The following MYO16 variants were observed in gnomAD, a reference collection of about 807,000 sequenced individuals.
The protein encoded by MYO16 is unconventional myosin-XVI.
MYO16 carries 94 observed loss-of-function variants against 205.3 expected under a neutral mutation model. The ratio of observed to expected loss-of-function variants is 0.46; its 90% CI spans 0.39 to 0.54. The LOEUF (loss-of-function observed/expected upper bound fraction) is 0.54. Ranked by LOEUF, MYO16 falls within the 20% of genes least tolerant of loss-of-function variation. The pLI, the probability that MYO16 is intolerant of heterozygous loss-of-function variation, is 0.00. For missense variants in MYO16, 2,315 were observed against 2,387.5 expected, an observed-to-expected ratio of 0.97 and a Z score of 0.63; for synonymous variants, 988 against 954.0, an observed-to-expected ratio of 1.04 and a Z score of -0.66.
chr13:109,145,475 C>CAAATGAGTTTAATGCCAAATCAGTAT (rs2139818435), intron 32 of MYO16, among the ~76,000 whole-genome samples: 1 of 152,180 alleles, frequency 6.6e-6, no homozygotes, highest in South Asian at 2.1e-4. Flanking sequence ...TCAAGAATGC[C>CAAATGAGTTTAATGCCAAATCAGTAT]AAATGAACTT....
chr13:109,117,482 GTATA>G (rs982026845), intron 28 of MYO16, among the ~76,000 whole-genome samples: 1 of 146,898 alleles, frequency 6.8e-6, no homozygotes, highest in African/African-American at 2.5e-5. Flanking sequence ...GTATGTATAT[GTATA>G]TATATGTAAT....
rs563731609 is a variant in MYO16 at position 109,043,810 on chromosome 13, G to A, written c.2797-3106G>A. On this transcript the variant is annotated intron_variant, in intron 23 of 34. Transcript: ENST00000457511. Reference sequence around the variant, plus strand: ...ACATAACGTGCAGCAGTGAACATGAGGAAGGAGAGAAGGACGAATGAATGA... The same window carrying A: ...ACATAACGTGCAGCAGTGAACATGAAGAAGGAGAGAAGGACGAATGAATGA... Among the ~76,000 whole-genome samples, 3 of 152,222 alleles carry A rather than the reference G, an allele frequency of 2.0e-5. No individual in the cohort carries two copies. The East Asian group carries it at 5.8e-4, about 29-fold the overall frequency.
upstream of MYO16, among the ~76,000 whole-genome samples, chr13:108,626,371 A>G (rs1879736278): frequency 6.6e-6 from 1 of 152,360 alleles, no homozygotes; most frequent in South Asian, 2.1e-4. Context: ...CTGGAAATGC[A>G]AAACAATACC....
At chr13:108,751,784 G>C (rs113598679) in intron 4 of MYO16, among the ~76,000 whole-genome samples, 5,146 of 152,252 alleles carry the variant, frequency 0.034, 285 homozygotes, top group African/African-American at 0.12. Context: ...GTAAGAAAGT[G>C]TCATGAATAC....
the MYO16 span, among the ~76,000 whole-genome samples, chr13:108,559,388 G>A: frequency 4.2e-4 from 64 of 152,080 alleles, no homozygotes; most frequent in East Asian, 7.2e-3. Context: ...TTGCATTTCC[G>A]GCCCCCAGGA....
chr13:108,829,646 A>AG (rs1876490063), intron 9 of MYO16, among the ~76,000 whole-genome samples: 2 of 152,122 alleles, frequency 1.3e-5, no homozygotes, highest in South Asian at 4.1e-4. Context: ...GACTATGAGG[A>AG]GGGGACCTAA....
chr13:109,078,475 T>C (rs896184503), intron 27 of MYO16, among the ~76,000 whole-genome samples: 2 of 152,158 alleles, frequency 1.3e-5, no homozygotes, highest in African/African-American at 2.4e-5. Flanking sequence ...ATTTAGTTTT[T>C]CTTCTAGTAT....
chr13:108,608,145 A>C (rs1198881619), intron 1 of MYO16, among the ~76,000 whole-genome samples: 1 of 152,108 alleles, frequency 6.6e-6, no homozygotes, highest in African/African-American at 2.4e-5. Flanking sequence ...AGTTTCCGTC[A>C]CTGTTTTGGA....
At chr13:108,915,468 A>G (rs893351476) in intron 16 of MYO16, among the ~76,000 whole-genome samples, 6 of 152,216 alleles carry the variant, frequency 3.9e-5, no homozygotes, top group Admixed American at 3.3e-4. Flanking sequence ...GGTTCTTCCT[A>G]TATTGACTGC....
At chr13:108,549,700 G>C in the MYO16 span, among the ~76,000 whole-genome samples, 1 of 152,066 alleles carries the variant, frequency 6.6e-6, no homozygotes, top group Non-Finnish European at 1.5e-5. Flanking sequence ...AGTGGGGAGA[G>C]TGGTCCTGGT....
chr13:108,870,787 G>T (rs1025998589), intron 12 of MYO16, among the ~76,000 whole-genome samples: 19 of 151,708 alleles, frequency 1.3e-4, no homozygotes, highest in Non-Finnish European at 2.1e-4. Context: ...ATTTATTTGG[G>T]TATAATTTGA....
At chr13:109,189,906 G>T (rs1464366886) in intron 34 of MYO16, among the ~76,000 whole-genome samples, 1 of 146,022 alleles carries the variant, frequency 6.8e-6, no homozygotes, top group African/African-American at 2.6e-5. Context: ...TCCCTACCAC[G>T]ATTTGTGTTT....
intron 4 of MYO16, among the ~76,000 whole-genome samples, chr13:108,729,428 A>G (rs1175151033): frequency 1.3e-5 from 2 of 152,208 alleles, no homozygotes; most frequent in Non-Finnish European, 2.9e-5. Context: ...TGATAGTTCA[A>G]CTAGCTGCTT....
At chr13:109,071,398 G>C (rs9301347) in intron 27 of MYO16, among the ~76,000 whole-genome samples, 75,936 of 151,922 alleles carry the variant, frequency 0.5, 19,008 homozygotes, top group Middle Eastern at 0.55. Context: ...AATTAGCAGT[G>C]CGTATAGTGA....
At chr13:109,159,195 T>C (rs996893789) in intron 32 of MYO16, among the ~76,000 whole-genome samples, 3 of 152,190 alleles carry the variant, frequency 2.0e-5, no homozygotes, top group South Asian at 4.1e-4. Flanking sequence ...CTCCACTCCA[T>C]TGCATAAAAG....
chr13:108,856,673 C>T (rs1441769322), intron 11 of MYO16, among the ~76,000 whole-genome samples: 1 of 151,876 alleles, frequency 6.6e-6, no homozygotes, highest in East Asian at 1.9e-4. Flanking sequence ...GCCTGGAAGA[C>T]CATTGCCTAA....
intron 1 of MYO16, among the ~76,000 whole-genome samples, chr13:108,607,474 G>A (rs1188803725): frequency 6.6e-6 from 1 of 152,064 alleles, no homozygotes; most frequent in Admixed American, 6.6e-5. Context: ...GGCTTTTCCT[G>A]CTTCTTTTAG....
intron 4 of MYO16, among the ~76,000 whole-genome samples, chr13:108,769,619 A>G (rs985851816): frequency 6.6e-6 from 1 of 152,186 alleles, no homozygotes; most frequent in African/African-American, 2.4e-5. Context: ...AAGCAAGTAA[A>G]CCTGTTAAGC....
Position 109,127,525 on chromosome 13 carries a change from C to T in MYO16, c.4026C>T (p.Ser1342=), listed in dbSNP as rs147869634. The T allele has an allele frequency of 2.5e-6, 4 of 1,612,066 alleles. No homozygotes were observed. The highest frequency in any genetic ancestry group is 1.7e-5 in the Admixed American group (1 of 60,020). Reference sequence around the variant, plus strand: ...ATGAGGCTGTGAGCGCCTGCCTCTCCGCGGCCAGGGAAGCGGCCAACGAAG... The same window carrying T: ...ATGAGGCTGTGAGCGCCTGCCTCTCTGCGGCCAGGGAAGCGGCCAACGAAG... ...ASYEAVSACL[S]AAREAANEAL... The change falls in exon 31 of 35, where the codon TCC becomes TCT. Residue 1342 remains serine, a synonymous_variant. Coordinates refer to ENST00000457511, the MANE Select transcript of MYO16 (RefSeq NM_001198950.3). The surrounding 1 kb of genome is among the most constrained non-coding windows in gnomAD (Gnocchi z 4.2).
Sources: gnomAD v4.1 joint callset for allele counts (sites outside exome capture counted in the v4.1 genomes callset) on GRCh38, gnomAD v4.1.1 for gene constraint, Gnocchi (gnomAD v3.1) non-coding constraint, MANE v1.5 for transcripts, NCBI Gene and HGNC (gene_info 2026-07-23, HGNC 2026-07-21) for gene names.